The following PTPRD variants were observed in gnomAD, a reference collection of about 807,000 sequenced individuals.
The protein encoded by PTPRD is receptor-type tyrosine-protein phosphatase delta.
In PTPRD, 34 loss-of-function variants were observed where a neutral mutation model predicts 214.5. The observed-to-expected ratio is 0.16, with a 90% CI of 0.12 to 0.21. The LOEUF (loss-of-function observed/expected upper bound fraction) is 0.21. PTPRD is among the 10% of genes least tolerant of loss of function. The pLI, the probability that PTPRD is intolerant of heterozygous loss-of-function variation, is 1.00. For synonymous variants in PTPRD, 1,128 were observed against 845.7 expected (o/e 1.33, Z -5.79); for missense variants, 2,545 against 2,398.7 (o/e 1.06, Z -1.27).
At chr9:10,329,116 A>T (rs188616208) in intron 3 of PTPRD, among the ~76,000 whole-genome samples, 56 of 151,882 alleles carry the variant, frequency 3.7e-4, no homozygotes, top group Non-Finnish European at 7.2e-4. Flanking sequence ...GTTGAATATG[A>T]GAGTTGCCTA....
At chr9:8,554,987 C>A (rs1012614998) in intron 14 of PTPRD, among the ~76,000 whole-genome samples, 3 of 143,512 alleles carry the variant, frequency 2.1e-5, no homozygotes, top group African/African-American at 3.0e-5. Flanking sequence ...TGTATATATA[C>A]ACTATATATA....
intron 10 of PTPRD, among the ~76,000 whole-genome samples, chr9:9,069,565 G>A (rs893338328): frequency 2.6e-5 from 4 of 152,216 alleles, no homozygotes; most frequent in Non-Finnish European, 5.9e-5. Context: ...AACAACCTTA[G>A]ATTGCTGGCT....
chr9:9,435,239 G>A (rs1195224823), intron 8 of PTPRD, among the ~76,000 whole-genome samples: 1 of 152,078 alleles, frequency 6.6e-6, no homozygotes, highest in East Asian at 1.9e-4. Context: ...GGCTGGTTGC[G>A]GTGGCTCACA....
chr9:8,855,719 T>C (rs897156082), intron 11 of PTPRD, among the ~76,000 whole-genome samples: 5 of 152,202 alleles, frequency 3.3e-5, no homozygotes, highest in Non-Finnish European at 7.4e-5. Flanking sequence ...CAGCCAGTGA[T>C]ACAACTCACA....
intron 14 of PTPRD, among the ~76,000 whole-genome samples, chr9:8,572,725 C>T (rs183566885): frequency 2.0e-5 from 3 of 151,798 alleles, no homozygotes; most frequent in Admixed American, 1.3e-4. Flanking sequence ...AGTGTTACTC[C>T]TTAACTTGAA....
chr9:9,546,210 T>A (rs1162117964), intron 8 of PTPRD, among the ~76,000 whole-genome samples: 2 of 147,614 alleles, frequency 1.4e-5, no homozygotes, highest in Non-Finnish European at 3.0e-5. Flanking sequence ...CTATAATCCA[T>A]TATTAGTTCC....
intron 11 of PTPRD, among the ~76,000 whole-genome samples, chr9:8,964,218 G>GTTTTTTTTTTTT (rs2099176405): frequency 3.6e-5 from 1 of 27,454 alleles, no homozygotes; most frequent in Non-Finnish European, 7.7e-5. Flanking sequence ...TTTTTTTTTT[G>GTTTTTTTTTTTT]CTGATTCAAT....
At chr9:9,588,459 T>A (rs2092345110) in intron 7 of PTPRD, among the ~76,000 whole-genome samples, 1 of 151,968 alleles carries the variant, frequency 6.6e-6, no homozygotes, top group Non-Finnish European at 1.5e-5. Flanking sequence ...GTAATGAAAG[T>A]CATAGCCACT....
rs538988260 is a variant in PTPRD, at chr9:10,059,479, G to C, written c.-544-25689C>G. 4.6e-4 allele frequency among the ~76,000 whole-genome samples: 70 copies of C among 152,188 alleles called. No individual in the cohort carries two copies. In the South Asian group the frequency reaches 0.014, roughly 30 times the overall value. ...AATATGCAAAGGGGTAAATCACTTA[G>C]GGTGTAGTTTACTTCTTGCCAGCAT... On this transcript the variant is annotated intron_variant, in intron 3 of 45. Transcript: ENST00000381196.
intron 11 of PTPRD, among the ~76,000 whole-genome samples, chr9:8,775,201 G>A (rs1385931985): frequency 6.6e-6 from 1 of 152,086 alleles, no homozygotes; most frequent in African/African-American, 2.4e-5. Context: ...CAGAAGGTGA[G>A]GCATAATTTT....
At chr9:9,576,424 T>G (rs566595563) in intron 7 of PTPRD, among the ~76,000 whole-genome samples, 4 of 152,254 alleles carry the variant, frequency 2.6e-5, no homozygotes, top group African/African-American at 4.8e-5. Context: ...CAGTATCACT[T>G]TCTGCTTTCA....
intron 9 of PTPRD, among the ~76,000 whole-genome samples, chr9:9,360,650 A>G (rs1251688007): frequency 6.6e-6 from 1 of 151,198 alleles, no homozygotes; most frequent in Non-Finnish European, 1.5e-5. Flanking sequence ...CAATCTAGTC[A>G]TGGTATCAAA....
rs1229651301 is a variant in PTPRD, at chr9:8,316,457, CCT to C, written c.*1415_*1416del. 13 of 230,514 alleles carry C rather than the reference CCT, an allele frequency of 5.6e-5. No individual in the cohort carries two copies. Among genetic ancestry groups the C allele is most frequent in the East Asian group, 1.8e-4 (3 of 16,308 alleles). 14.3% of individuals were successfully genotyped at this position (230,514 alleles called of 1,614,324 possible). On this transcript the variant is annotated 3_prime_UTR_variant, in exon 46 of 46. Transcript: ENST00000381196. ...AGAGTAACATGAATTTGGCTTTGCC[CCT>C]GTTACATATCATAAATGCAAATTTC...
chr9:9,506,158 A>G (rs1164842467), intron 8 of PTPRD, among the ~76,000 whole-genome samples: 2 of 151,524 alleles, frequency 1.3e-5, no homozygotes, highest in East Asian at 1.9e-4. Context: ...CAAATAGTCT[A>G]TAGTATTTCA....
intron 5 of PTPRD, among the ~76,000 whole-genome samples, chr9:9,839,124 A>G (rs1400540005): frequency 2.0e-5 from 3 of 152,076 alleles, no homozygotes; most frequent in South Asian, 2.1e-4. Context: ...CCATTGATCT[A>G]TATCTCTGTT....
At chr9:8,899,763 A>G (rs1011962433) in intron 11 of PTPRD, among the ~76,000 whole-genome samples, 3 of 152,186 alleles carry the variant, frequency 2.0e-5, no homozygotes, top group Non-Finnish European at 4.4e-5. Flanking sequence ...AGATGCTAGT[A>G]TATGCATGTT....
At chr9:10,011,102 C>T (rs1304408244) in intron 4 of PTPRD, among the ~76,000 whole-genome samples, 1 of 151,990 alleles carries the variant, frequency 6.6e-6, no homozygotes, top group East Asian at 1.9e-4. Flanking sequence ...TCCACAATCC[C>T]TTCACCACAC....
chr9:9,208,020 C>CTTTTTTTT (rs749709602), intron 9 of PTPRD, among the ~76,000 whole-genome samples: 550 of 53,206 alleles, frequency 0.01, 153 homozygotes, highest in African/African-American at 0.026. Context: ...TATATATCTG[C>CTTTTTTTT]TTTTTTTTTT....
intron 2 of PTPRD, among the ~76,000 whole-genome samples, chr9:10,595,813 G>A (rs573719567): frequency 6.6e-6 from 1 of 151,472 alleles, no homozygotes; most frequent in African/African-American, 2.4e-5. Context: ...TTATATATCA[G>A]AGTACTTTTT....
Sources: gnomAD v4.1 joint callset for allele counts (sites outside exome capture counted in the v4.1 genomes callset) on GRCh38, gnomAD v4.1.1 for gene constraint, MANE v1.5 for transcripts, NCBI Gene and HGNC (gene_info 2026-07-23, HGNC 2026-07-21) for gene names.